Variants in EPB41L4A observed in about 807,000 individuals in gnomAD.
The protein encoded by EPB41L4A is band 4.1-like protein 4A.
EPB41L4A carries 100 observed loss-of-function variants against 108.6 expected under a neutral mutation model. The observed-to-expected ratio is 0.92, with a 90% CI of 0.78 to 1.09. The LOEUF is 1.09. Among genes scored for constraint, EPB41L4A ranks in the 50% least tolerant of loss-of-function variants. EPB41L4A has a pLI of 0.00. For synonymous variants in EPB41L4A, 319 were observed against 289.0 expected, an observed-to-expected ratio of 1.10 and a Z score of -1.05; for missense variants, 1,030 against 842.7, an observed-to-expected ratio of 1.22 and a Z score of -2.75.
chr5:112,225,869 AG>A (rs1748413281), intron 12 of EPB41L4A, among the ~76,000 whole-genome samples: 1 of 152,196 alleles, frequency 6.6e-6, no homozygotes, highest in African/African-American at 2.4e-5. Flanking sequence ...TTCATATCTC[AG>A]CTTTGTGACT....
chr5:112,393,275 A>G (rs1260043454), intron 1 of EPB41L4A, among the ~76,000 whole-genome samples: 1 of 152,128 alleles, frequency 6.6e-6, no homozygotes, highest in African/African-American at 2.4e-5. Flanking sequence ...ACACAAAAAA[A>G]CCATCAAAAA....
intron 1 of EPB41L4A, among the ~76,000 whole-genome samples, chr5:112,414,009 G>A (rs1762561915): frequency 6.6e-6 from 1 of 152,084 alleles, no homozygotes; most frequent in South Asian, 2.1e-4. Context: ...AATGTAGAAG[G>A]TGAATACTGT....
intron 1 of EPB41L4A, among the ~76,000 whole-genome samples, chr5:112,381,622 C>T (rs923348592): frequency 1.3e-5 from 2 of 152,250 alleles, no homozygotes; most frequent in African/African-American, 4.8e-5. Context: ...ACCAAGCTCA[C>T]AAAGTGAGCC....
At chr5:112,256,886 T>TACAGTG (rs1298923224) in intron 9 of EPB41L4A, 3 of 152,168 alleles carry the variant, frequency 2.0e-5, no homozygotes, top group African/African-American at 7.2e-5. Flanking sequence ...TTTTCTACAG[T>TACAGTG]GAACATGTAC....
At chr5:112,370,251 G>A (rs1214514716) in intron 1 of EPB41L4A, among the ~76,000 whole-genome samples, 1 of 149,600 alleles carries the variant, frequency 6.7e-6, no homozygotes, top group Non-Finnish European at 1.5e-5. Context: ...TGCCCAGGCT[G>A]GTCTCAAACT....
intron 1 of EPB41L4A, among the ~76,000 whole-genome samples, chr5:112,381,426 C>T (rs1392443048): frequency 2.0e-5 from 3 of 152,208 alleles, no homozygotes; most frequent in East Asian, 1.9e-4. Context: ...GGTTAAGTGA[C>T]TCACCCAAGG....
intron 1 of EPB41L4A, among the ~76,000 whole-genome samples, chr5:112,382,638 G>C (rs975527965): frequency 1.3e-5 from 2 of 152,164 alleles, no homozygotes; most frequent in African/African-American, 4.8e-5. Context: ...GGTCTTTGGA[G>C]GATTCAGCAA....
intron 9 of EPB41L4A, among the ~76,000 whole-genome samples, chr5:112,241,705 T>G (rs151333845): frequency 9.8e-4 from 150 of 152,316 alleles, no homozygotes; most frequent in Non-Finnish European, 1.6e-3. Flanking sequence ...TATAAGGAAT[T>G]TGAGCATTCT....
intron 1 of EPB41L4A, among the ~76,000 whole-genome samples, chr5:112,346,321 G>T (rs1411305162): frequency 7.1e-6 from 1 of 141,678 alleles, no homozygotes. Flanking sequence ...CGCCTCCCGG[G>T]TTCAAGCGAT....
chr5:112,324,466 C>T (rs1332947300), intron 1 of EPB41L4A, among the ~76,000 whole-genome samples: 8 of 152,040 alleles, frequency 5.3e-5, no homozygotes. Flanking sequence ...CAAATGGTGC[C>T]TGTAATCCTA....
chr5:112,299,540 C>T (rs924866824), intron 2 of EPB41L4A, among the ~76,000 whole-genome samples: 7 of 152,120 alleles, frequency 4.6e-5, no homozygotes, highest in Admixed American at 6.6e-5. Context: ...AATGGCCAGG[C>T]GTGGTGGCTC....
intron 16 of EPB41L4A, among the ~76,000 whole-genome samples, chr5:112,195,109 T>C (rs887596025): frequency 1.2e-4 from 18 of 152,132 alleles, no homozygotes; most frequent in African/African-American, 3.9e-4. Context: ...ACTATGTCAG[T>C]TCCAGGACTA....
intron 1 of EPB41L4A, among the ~76,000 whole-genome samples, chr5:112,312,337 A>T (rs1214144977): frequency 6.6e-6 from 1 of 152,214 alleles, no homozygotes; most frequent in Admixed American, 6.5e-5. Flanking sequence ...TTTATATAGA[A>T]TCTGGTGCTG....
chr5:112,314,886 T>C (rs1477467549), intron 1 of EPB41L4A, among the ~76,000 whole-genome samples: 1 of 152,170 alleles, frequency 6.6e-6, no homozygotes, highest in African/African-American at 2.4e-5. Flanking sequence ...AATGGGGAAT[T>C]CACAAGATGC....
At chr5:112,314,536 A>AAAAAAAG (rs1755294072) in intron 1 of EPB41L4A, among the ~76,000 whole-genome samples, 17 of 113,626 alleles carry the variant, frequency 1.5e-4, no homozygotes, top group African/African-American at 5.7e-4. Context: ...AAAAAAAAAA[A>AAAAAAAG]AAGAAAAGAA....
chr5:112,405,902 AC>A (rs1393446350), intron 1 of EPB41L4A, among the ~76,000 whole-genome samples: 1 of 152,194 alleles, frequency 6.6e-6, no homozygotes, highest in Non-Finnish European at 1.5e-5. Context: ...CCTTTATTTC[AC>A]TATCCCACCA....
At chr5:112,278,193 T>A (rs1430840691) in intron 3 of EPB41L4A, among the ~76,000 whole-genome samples, 1 of 152,192 alleles carries the variant, frequency 6.6e-6, no homozygotes, top group East Asian at 1.9e-4. Flanking sequence ...ATGTAAGGAT[T>A]CTTCAGTCAC....
chr5:112,195,672 C>T lies in EPB41L4A; in HGVS notation c.1413G>A (p.Lys471=), dbSNP rs767261170. The T allele has an allele frequency of 4.8e-5, 78 of 1,613,548 alleles. No homozygotes were observed. The highest frequency in any genetic ancestry group is 6.1e-5 in the Non-Finnish European group (72 of 1,179,744). Residue 471 remains lysine (K), a synonymous_variant, in exon 16 of 23, where the codon AAG becomes AAA. Coordinates refer to ENST00000261486, the MANE Select transcript of EPB41L4A (RefSeq NM_022140.5). ...AHNSGEDSDL[K]QRRRSRSRCN... is the part of the protein sequence containing the mutation. Reference sequence around the variant, plus strand: ...TTTTGTTTTTTTACCTCCTCCTTTGCTTAAGATCTGAATCTTCACCACTGT... The same window carrying T: ...TTTTGTTTTTTTACCTCCTCCTTTGTTTAAGATCTGAATCTTCACCACTGT...
chr5:112,260,180 T>G (rs1040135728), intron 7 of EPB41L4A, among the ~76,000 whole-genome samples: 1 of 152,254 alleles, frequency 6.6e-6, no homozygotes, highest in Non-Finnish European at 1.5e-5. Flanking sequence ...AACTTTCTGT[T>G]GGCGTTCTTC....
Sources: allele counts gnomAD v4.1 joint callset (sites outside exome capture counted in the v4.1 genomes callset), GRCh38; gene constraint gnomAD v4.1.1; transcripts MANE v1.5; gene names NCBI Gene and HGNC (gene_info 2026-07-23, HGNC 2026-07-21).